Variants in PHACTR1 observed in about 807,000 individuals in gnomAD.
PHACTR1 encodes RPEL repeat containing 1.
In PHACTR1, 16 loss-of-function variants were observed where a neutral mutation model predicts 69.2. The ratio of observed to expected loss-of-function variants is 0.23; its 90% CI spans 0.16 to 0.35. The LOEUF (loss-of-function observed/expected upper bound fraction) is 0.35, where lower values mean the gene tolerates loss of function less well. Among genes scored for constraint, PHACTR1 ranks in the 10% least tolerant of loss-of-function variants. The pLI, the probability that PHACTR1 is intolerant of heterozygous loss-of-function variation, is 1.00. For synonymous variants in PHACTR1, 312 were observed against 284.5 expected, an observed-to-expected ratio of 1.10 and a Z score of -0.97; for missense variants, 510 against 734.7, an observed-to-expected ratio of 0.69 and a Z score of 3.54.
At chr6:12,935,103 C>A (rs1348685828) in intron 4 of PHACTR1, among the ~76,000 whole-genome samples, 1 of 152,094 alleles carries the variant, frequency 6.6e-6, no homozygotes, top group Non-Finnish European at 1.5e-5. Context: ...GGGGCCATAG[C>A]AAAGCTCAAT....
intron 4 of PHACTR1, among the ~76,000 whole-genome samples, chr6:12,818,399 A>T (rs1034537406): frequency 1.3e-5 from 2 of 152,222 alleles, no homozygotes; most frequent in Admixed American, 6.5e-5. Context: ...GCCAACCCAG[A>T]CTTGTTCATA....
At chr6:13,036,141 A>T (rs1803273133) in intron 4 of PHACTR1, among the ~76,000 whole-genome samples, 1 of 152,058 alleles carries the variant, frequency 6.6e-6, no homozygotes, top group Non-Finnish European at 1.5e-5. Context: ...CATTCCAAAA[A>T]AAAAAAGACT....
At chr6:12,720,261 A>T (rs1761929983) in intron 3 of PHACTR1, among the ~76,000 whole-genome samples, 1 of 152,238 alleles carries the variant, frequency 6.6e-6, no homozygotes, top group Admixed American at 6.5e-5. Flanking sequence ...CTGGAATGAG[A>T]CAATAATGCT....
At chr6:13,080,138 T>G (rs886716693) in intron 5 of PHACTR1, among the ~76,000 whole-genome samples, 7 of 152,272 alleles carry the variant, frequency 4.6e-5, no homozygotes, top group African/African-American at 1.2e-4. Context: ...TCATCCAATG[T>G]TGTGACATTG....
intron 7 of PHACTR1, 133 bp from the exon 8 acceptor site, chr6:13,205,682 G>T (rs1233298378): frequency 7.7e-6 from 6 of 778,436 alleles, no homozygotes; most frequent in South Asian, 5.5e-5. Context: ...TCACGCTGGT[G>T]CCTCCAACTG....
intron 4 of PHACTR1, among the ~76,000 whole-genome samples, chr6:12,869,704 T>C (rs1001072613): frequency 6.6e-6 from 1 of 152,208 alleles, no homozygotes; most frequent in Non-Finnish European, 1.5e-5. Context: ...TCTTGAAATC[T>C]CCCCACCTAC....
rs774542307 is a variant in PHACTR1, at chr6:13,278,272, G to A, written c.1452G>A (p.Arg484=). 5 of 1,592,550 alleles carry A rather than the reference G, an allele frequency of 3.1e-6. No individual in the cohort carries two copies. Among genetic ancestry groups the A allele is most frequent in the Non-Finnish European group, 3.4e-6 (4 of 1,169,420 alleles). ...ELEQRNILKP[R]NEQEEQEEKR... ...CATCTTAAATATTTTTTTTAGCTCG[G>A]AATGAACAAGAGGAACAGGAGGAGA... Residue 484 remains arginine, a synonymous_variant, in exon 12 of 15, where the codon CGG becomes CGA. Coordinates refer to ENST00000332995, the MANE Select transcript of PHACTR1 (RefSeq NM_030948.6).
At chr6:13,257,879 C>T (rs1775390422) in intron 10 of PHACTR1, among the ~76,000 whole-genome samples, 5 of 152,174 alleles carry the variant, frequency 3.3e-5, no homozygotes, top group Admixed American at 3.3e-4. Context: ...AAAACCAGCA[C>T]AGATGGCTGT....
chr6:12,817,647 C>G (rs1174658092), intron 4 of PHACTR1, among the ~76,000 whole-genome samples: 4 of 152,062 alleles, frequency 2.6e-5, no homozygotes, highest in African/African-American at 9.7e-5. Context: ...GATACAGCCT[C>G]CTGAAGTGAG....
chr6:12,788,960 G>A (rs1270498194), intron 4 of PHACTR1, among the ~76,000 whole-genome samples: 2 of 152,312 alleles, frequency 1.3e-5, no homozygotes, highest in Admixed American at 6.5e-5. Flanking sequence ...GAGAGTATTC[G>A]GAGAAGAAAG....
intron 4 of PHACTR1, among the ~76,000 whole-genome samples, chr6:13,007,462 G>A (rs1798920162): frequency 6.6e-6 from 1 of 152,050 alleles, no homozygotes; most frequent in Non-Finnish European, 1.5e-5. Context: ...TTTATCCCCA[G>A]ACATGAGCAG....
intron 11 of PHACTR1, 117 bp from the exon 12 acceptor site, chr6:13,278,151 C>A: frequency 2.1e-6 from 2 of 951,082 alleles, no homozygotes; most frequent in Non-Finnish European, 3.2e-6. Flanking sequence ...GACAGGAGTA[C>A]TCTCTTCCCT....
intron 4 of PHACTR1, among the ~76,000 whole-genome samples, chr6:12,963,124 C>A (rs1050313666): frequency 2.0e-5 from 3 of 152,206 alleles, no homozygotes; most frequent in African/African-American, 7.2e-5. Flanking sequence ...GAGAAAGAGA[C>A]AGGAAGTCCA....
At position 12,884,690 on chromosome 6, in the gene PHACTR1, C is replaced by A. The variant is rs534200877; in HGVS notation, c.250+134900C>A. Reference sequence around the variant, plus strand: ...GGGTGGGGTTACAGGCGTAAGCCACCGCGCCCGGCCTTTGGAATTTTGTAT... The same window carrying A: ...GGGTGGGGTTACAGGCGTAAGCCACAGCGCCCGGCCTTTGGAATTTTGTAT... On this transcript the variant is annotated intron_variant, in intron 4 of 14. Transcript: ENST00000332995. Among the ~76,000 whole-genome samples the A allele has an allele frequency of 3.3e-5, 5 of 152,306 alleles. No individual in the cohort carries two copies. The East Asian group carries it at 9.7e-4, about 29-fold the overall frequency.
intron 4 of PHACTR1, among the ~76,000 whole-genome samples, chr6:12,793,302 T>G (rs1198218116): frequency 4.6e-5 from 7 of 152,224 alleles, no homozygotes; most frequent in Non-Finnish European, 1.0e-4. Flanking sequence ...ATGCAAAGCT[T>G]TGCATATTTT....
chr6:12,789,037 A>G (rs1379696069), intron 4 of PHACTR1, among the ~76,000 whole-genome samples: 2 of 152,216 alleles, frequency 1.3e-5, no homozygotes, highest in Non-Finnish European at 2.9e-5. Flanking sequence ...TGGATGATAT[A>G]ACCACCATTT....
intron 4 of PHACTR1, among the ~76,000 whole-genome samples, chr6:12,879,235 G>A (rs950502251): frequency 6.6e-6 from 1 of 152,162 alleles, no homozygotes; most frequent in African/African-American, 2.4e-5. Context: ...GTGCAGACGG[G>A]GAAAGGATAG....
intron 7 of PHACTR1, among the ~76,000 whole-genome samples, chr6:13,201,586 C>T (rs936308794): frequency 3.3e-5 from 5 of 152,048 alleles, no homozygotes; most frequent in African/African-American, 4.8e-5. Context: ...GGGCTGGGAC[C>T]GCATTATCCA....
chr6:12,994,353 G>T (rs1797171929), intron 4 of PHACTR1, among the ~76,000 whole-genome samples: 1 of 152,128 alleles, frequency 6.6e-6, no homozygotes, highest in South Asian at 2.1e-4. Flanking sequence ...AAATCCAAAA[G>T]CATCTGGATT....
Sources: allele counts gnomAD v4.1 joint callset (sites outside exome capture counted in the v4.1 genomes callset), GRCh38; gene constraint gnomAD v4.1.1; transcripts MANE v1.5; gene names NCBI Gene and HGNC (gene_info 2026-07-23, HGNC 2026-07-21).